The following LURAP1 variants were observed in gnomAD, a reference collection of about 807,000 sequenced individuals.
The protein encoded by LURAP1 is leucine rich adaptor protein 1, also known as NF-kappa-B activator C1orf190.
In LURAP1, 14 loss-of-function variants were observed where a neutral mutation model predicts 19.0. That is an observed-to-expected ratio of 0.74 (90% CI 0.49 to 1.15). LURAP1 has a LOEUF of 1.15. Among genes scored for constraint, LURAP1 ranks in the 50% most tolerant of loss-of-function variants. LURAP1 has a pLI of 0.00. For missense variants in LURAP1, 273 were observed against 309.1 expected (o/e 0.88, Z 0.87); for synonymous variants, 129 against 131.8 (o/e 0.98, Z 0.14).
intron 1 of LURAP1, among the ~76,000 whole-genome samples, chr1:46,214,395 A>C (rs1658997758): frequency 6.6e-6 from 1 of 152,022 alleles, no homozygotes; most frequent in African/African-American, 2.4e-5. Flanking sequence ...TGAAATGGAG[A>C]TAATACAGAG....
chr1:46,210,264 CTGTG>C (rs558204802), intron 1 of LURAP1, among the ~76,000 whole-genome samples: 1 of 152,006 alleles, frequency 6.6e-6, no homozygotes, highest in Non-Finnish European at 1.5e-5. Flanking sequence ...AAACCCTAAA[CTGTG>C]TGTGTGTGTT....
In LURAP1 at chr1:46,211,165, CT is replaced by C. The variant is rs544459393; in HGVS notation, c.198+7542del. ...CAAAATGTTATTGGACAAAAAGGGTCTGATCAAAACCCAGCAAAGCCTGTCT... is the reference window on the plus strand; with the variant it reads ...CAAAATGTTATTGGACAAAAAGGGTCGATCAAAACCCAGCAAAGCCTGTCT... On this transcript the variant is annotated intron_variant, in intron 1 of 1. Transcript: ENST00000371980. Among the ~76,000 whole-genome samples, 26 of 152,158 alleles carry C rather than the reference CT, an allele frequency of 1.7e-4. No homozygotes were observed. The East Asian group carries it at 4.6e-3, about 27-fold the overall frequency.
At chr1:46,207,705 A>AT (rs1463516070) in intron 1 of LURAP1, among the ~76,000 whole-genome samples, 1 of 150,256 alleles carries the variant, frequency 6.7e-6, no homozygotes, top group Non-Finnish European at 1.5e-5. Context: ...CACCCAGCTA[A>AT]TTTTTTGTAT....
At chr1:46,214,594 G>A (rs559072127) in intron 1 of LURAP1, among the ~76,000 whole-genome samples, 18 of 152,188 alleles carry the variant, frequency 1.2e-4, no homozygotes, top group Admixed American at 4.6e-4. Context: ...TAGGCCAGGT[G>A]TGGTGGCTCA....
intron 1 of LURAP1, among the ~76,000 whole-genome samples, chr1:46,208,227 A>C (rs1339890599): frequency 6.6e-6 from 1 of 152,110 alleles, no homozygotes; most frequent in Non-Finnish European, 1.5e-5. Context: ...TCCTGGCCTC[A>C]AGCAGTCCGT....
intron 1 of LURAP1, among the ~76,000 whole-genome samples, chr1:46,204,188 C>T (rs1281900761): frequency 6.6e-6 from 1 of 152,150 alleles, no homozygotes; most frequent in Non-Finnish European, 1.5e-5. Context: ...TTCCTAGACC[C>T]ATAGCAGGGA....
chr1:46,208,446 A>G (rs1658788422), intron 1 of LURAP1, among the ~76,000 whole-genome samples: 1 of 152,220 alleles, frequency 6.6e-6, no homozygotes, highest in Non-Finnish European at 1.5e-5. Flanking sequence ...AACTGAATGG[A>G]TTAATTCCAT....
At chr1:46,218,707 C>T (rs151205162) in intron 1 of LURAP1, among the ~76,000 whole-genome samples, 29 of 152,226 alleles carry the variant, frequency 1.9e-4, no homozygotes, top group African/African-American at 5.8e-4. Flanking sequence ...CTGGAACGGA[C>T]GCTTGAGATT....
chr1:46,208,468 G>C (rs554865649), intron 1 of LURAP1, among the ~76,000 whole-genome samples: 1 of 152,296 alleles, frequency 6.6e-6, no homozygotes, highest in South Asian at 2.1e-4. Context: ...TCGAGGAAGG[G>C]CAAGGAAGAC....
rs149175496 is a variant in LURAP1 at position 46,220,688 on chromosome 1, G to A, written c.*468G>A. 699 of 154,046 alleles carry A rather than the reference G, an allele frequency of 4.5e-3. 8 individuals are homozygous for A. Among genetic ancestry groups the A allele is most frequent in the East Asian group, 0.027 (141 of 5,192 alleles). The allele number at this position is 154,046 out of a possible 1,614,324, so 9.5% of individuals were successfully genotyped here. A position where few individuals can be genotyped will look rare whatever the true frequency, so the allele number is the denominator to read the frequency against. On this transcript the variant is annotated 3_prime_UTR_variant, in exon 2 of 2. Transcript: ENST00000371980. ...ACTCCTGGGCTCAAGGGATCCTCCC[G>A]CCTCAGCCTCCCAAAGTGCTGGGAT...
chr1:46,205,947 G>A (rs187990015), intron 1 of LURAP1, among the ~76,000 whole-genome samples: 2 of 152,210 alleles, frequency 1.3e-5, no homozygotes, highest in African/African-American at 4.8e-5. Context: ...TTGCACAAAG[G>A]GGGAAGGCCT....
chr1:46,212,445 G>A (rs537968335), intron 1 of LURAP1, among the ~76,000 whole-genome samples: 5 of 150,790 alleles, frequency 3.3e-5, no homozygotes, highest in Non-Finnish European at 5.9e-5. Flanking sequence ...CACGCCCAGC[G>A]AATTTTTTTG....
intron 1 of LURAP1, among the ~76,000 whole-genome samples, chr1:46,207,866 T>G (rs2148239599): frequency 6.6e-6 from 1 of 151,382 alleles, no homozygotes; most frequent in South Asian, 2.1e-4. Context: ...ATTATTTATT[T>G]ATTATCATTA....
chr1:46,212,488 A>G lies in LURAP1; in HGVS notation c.199-7211A>G, dbSNP rs535312088. ...AACAGAGACGGGGTTTCACCGTGTT[A>G]GCCAGGATGGTCTTGATCTCCTGAC... is the stretch of plus-strand genomic sequence containing the variant. On this transcript the variant is annotated intron_variant, in intron 1 of 1. Coordinates refer to ENST00000371980, the MANE Select transcript of LURAP1 (RefSeq NM_001013615.3). Among the ~76,000 whole-genome samples the G allele has an allele frequency of 9.9e-5, 15 of 152,002 alleles. No homozygotes were observed. In the East Asian group the frequency reaches 2.3e-3, roughly 24 times the overall value.
chr1:46,205,661 A>T (rs920803924), intron 1 of LURAP1, among the ~76,000 whole-genome samples: 6 of 152,142 alleles, frequency 3.9e-5, no homozygotes, highest in Non-Finnish European at 8.8e-5. Flanking sequence ...TGTATTCTTG[A>T]CCCAGCTTGC....
In LURAP1 at chr1:46,205,518, G is replaced by A. The variant is rs1658684540; in HGVS notation, c.198+1894G>A. Among the ~76,000 whole-genome samples, 3 of 152,096 alleles carry A rather than the reference G, an allele frequency of 2.0e-5. 1 individual carries two copies. The highest frequency in any genetic ancestry group is 2.0e-4 in the Admixed American group (3 of 15,268). On this transcript the variant is annotated intron_variant, in intron 1 of 1. Transcript: ENST00000371980. ...ATTTCTCCCATCTTACAGATAAAAC[G>A]TGCTTGCAGATTCTGAACTCACATA...
chr1:46,216,138 C>G (rs1433344532), intron 1 of LURAP1, among the ~76,000 whole-genome samples: 1 of 150,856 alleles, frequency 6.6e-6, no homozygotes, highest in South Asian at 2.1e-4. Context: ...GCTCCGCCCC[C>G]CAGGTTCACG....
At chr1:46,217,540 A>AGGGGAGT (rs1659104157) in intron 1 of LURAP1, among the ~76,000 whole-genome samples, 1 of 152,130 alleles carries the variant, frequency 6.6e-6, no homozygotes, top group African/African-American at 2.4e-5. Context: ...TCTGTATGGC[A>AGGGGAGT]GGGGAGTGGG....
Position 46,203,610 on chromosome 1 carries a change from C to G in LURAP1, c.184C>G (p.Leu62Val). The change falls in exon 1 of 2, where the codon CTG (leucine) becomes GTG (valine). Residue 62 changes from leucine to valine, a missense_variant. Transcript: ENST00000371980. ...CGACTTGGGGGACAAGATCATGGCG[C>G]TGAAGATGGAGCTGGTGAGTGCTGA... ...GHDLGDKIMA[L>V]KMELAYLRAI... 1 of 1,599,628 alleles carries G rather than the reference C, an allele frequency of 6.3e-7. No homozygotes were observed. Among genetic ancestry groups the G allele is most frequent in the Non-Finnish European group, 8.5e-7 (1 of 1,174,264 alleles).
Sources: gnomAD v4.1 joint callset for allele counts (sites outside exome capture counted in the v4.1 genomes callset) on GRCh38, gnomAD v4.1.1 for gene constraint, MANE v1.5 for transcripts, NCBI Gene and HGNC (gene_info 2026-07-23, HGNC 2026-07-21) for gene names.